UST: variants seen among roughly 807,000 people sequenced by gnomAD.
The protein encoded by UST is chondroitin sulfate 2-O-sulfotransferase.
In UST, 21 loss-of-function variants were observed where a neutral mutation model predicts 45.6. The ratio of observed to expected loss-of-function variants is 0.46; its 90% CI spans 0.33 to 0.66. UST has a LOEUF of 0.66. Among genes scored for constraint, UST ranks in the 30% least tolerant of loss-of-function variants. UST has a pLI of 0.02. For synonymous variants in UST, 215 were observed against 200.6 expected (o/e 1.07, Z -0.61); for missense variants, 463 against 512.4 (o/e 0.90, Z 0.93).
At chr6:149,057,203 G>A (rs377750020) in intron 7 of UST, among the ~76,000 whole-genome samples, 6 of 152,266 alleles carry the variant, frequency 3.9e-5, no homozygotes, top group East Asian at 1.9e-4. Flanking sequence ...AAAAGATTTC[G>A]TCTCCGTGAT....
intron 1 of UST, among the ~76,000 whole-genome samples, chr6:148,807,128 A>G (rs142015741): frequency 2.6e-3 from 392 of 152,330 alleles, no homozygotes; most frequent in African/African-American, 9.2e-3. Context: ...ATCCCCCAAA[A>G]GAGGGAGAGT....
intron 7 of UST, among the ~76,000 whole-genome samples, chr6:149,051,692 C>G (rs146380428): frequency 1.3e-5 from 2 of 152,356 alleles, no homozygotes; most frequent in Non-Finnish European, 2.9e-5. Context: ...CACTTTGTAT[C>G]TGACTGCATT....
chr6:149,002,920 C>T (rs991134883), intron 5 of UST, among the ~76,000 whole-genome samples: 1 of 152,186 alleles, frequency 6.6e-6, no homozygotes, highest in African/African-American at 2.4e-5. Flanking sequence ...ATATTATAAA[C>T]TACAAATAAA....
At chr6:149,058,863 G>A (rs192497844) in intron 7 of UST, among the ~76,000 whole-genome samples, 2 of 151,930 alleles carry the variant, frequency 1.3e-5, no homozygotes, top group African/African-American at 4.8e-5. Flanking sequence ...TATATAAGCC[G>A]GTATTTTAGT....
chr6:148,990,972 A>G (rs566358836), intron 5 of UST, among the ~76,000 whole-genome samples: 1 of 152,342 alleles, frequency 6.6e-6, no homozygotes, highest in African/African-American at 2.4e-5. Context: ...CTGGAACAGG[A>G]GTGAACAAGG....
intron 2 of UST, among the ~76,000 whole-genome samples, chr6:148,930,492 A>G (rs1424184137): frequency 6.6e-6 from 1 of 152,176 alleles, no homozygotes; most frequent in African/African-American, 2.4e-5. Flanking sequence ...AATGCTCAAT[A>G]ATTACTTGCT....
At position 149,074,220 on chromosome 6, in the gene UST, A is replaced by G. The variant is rs1776858402; in HGVS notation, c.*104A>G. 1.5e-6 allele frequency: 2 copies of G among 1,292,214 alleles called. No homozygotes were observed. Among genetic ancestry groups the G allele is most frequent in the East Asian group, 2.3e-5 (1 of 42,716 alleles). 80.0% of individuals were successfully genotyped at this position (1,292,214 alleles called of 1,614,324 possible). A position where few individuals can be genotyped will look rare whatever the true frequency, so the allele number is the denominator to read the frequency against. On this transcript the variant is annotated 3_prime_UTR_variant, in exon 8 of 8. Coordinates refer to ENST00000367463, the MANE Select transcript of UST (RefSeq NM_005715.3). Reference sequence around the variant, plus strand: ...CTAAATTAATGCTTGGGTGCATTAAAAAGAACAAAACATTCCCACATGTTG... The same window carrying G: ...CTAAATTAATGCTTGGGTGCATTAAGAAGAACAAAACATTCCCACATGTTG...
intron 5 of UST, among the ~76,000 whole-genome samples, chr6:149,010,486 A>G (rs1775787998): frequency 6.6e-6 from 1 of 152,204 alleles, no homozygotes; most frequent in Admixed American, 6.5e-5. Flanking sequence ...GGCATCTCAA[A>G]TGCTTAGTAA....
At chr6:149,015,080 T>C (rs1035604730) in intron 5 of UST, among the ~76,000 whole-genome samples, 2 of 152,070 alleles carry the variant, frequency 1.3e-5, no homozygotes, top group African/African-American at 4.8e-5. Context: ...TCTCTGGAAC[T>C]GGAGGCAGTG....
rs532161726 is a variant in UST, at chr6:148,775,333, G to A, written c.247+27656G>A. Among the ~76,000 whole-genome samples the A allele has an allele frequency of 5.3e-5, 8 of 152,300 alleles. No individual in the cohort carries two copies. The East Asian group carries it at 1.4e-3, about 26-fold the overall frequency. On this transcript the variant is annotated intron_variant, in intron 1 of 7. Transcript: ENST00000367463. ...CAGTGCAGTGTCGCCCAGCGTGAGA[G>A]GTTGTGTGGAGAAGGGGAAGTTAGG...
intron 1 of UST, among the ~76,000 whole-genome samples, chr6:148,848,060 C>T (rs887485060): frequency 6.6e-6 from 1 of 152,078 alleles, no homozygotes; most frequent in Admixed American, 6.5e-5. Flanking sequence ...AATGATTGGC[C>T]CTGACCAGAC....
intron 5 of UST, among the ~76,000 whole-genome samples, chr6:148,979,886 C>T (rs1413121225): frequency 2.6e-5 from 4 of 152,190 alleles, no homozygotes; most frequent in African/African-American, 7.2e-5. Flanking sequence ...CTGCTTCCCT[C>T]ATTAAATTTA....
chr6:148,801,207 C>A (rs1288894004), intron 1 of UST, among the ~76,000 whole-genome samples: 2 of 152,028 alleles, frequency 1.3e-5, no homozygotes, highest in Non-Finnish European at 2.9e-5. Flanking sequence ...GGGGATTTTT[C>A]CCCCAGAGGT....
At chr6:148,905,816 G>C (rs1779346075) in intron 2 of UST, among the ~76,000 whole-genome samples, 1 of 152,186 alleles carries the variant, frequency 6.6e-6, no homozygotes, top group African/African-American at 2.4e-5. Context: ...TCCTGTTAGA[G>C]ATCTTAGTGT....
At chr6:148,969,147 T>C (rs889304728) in intron 5 of UST, among the ~76,000 whole-genome samples, 5 of 152,164 alleles carry the variant, frequency 3.3e-5, no homozygotes, top group African/African-American at 1.2e-4. Context: ...ACATATGAAA[T>C]ACCAGCATGT....
chr6:148,870,561 A>G (rs1283316285), intron 1 of UST, among the ~76,000 whole-genome samples: 1 of 152,220 alleles, frequency 6.6e-6, no homozygotes, highest in South Asian at 2.1e-4. Flanking sequence ...CTGCAGGTGC[A>G]TGGTGCCCTG....
rs894664551 is a variant in UST, at chr6:148,858,747, G to A, written c.248-28239G>A. Among the ~76,000 whole-genome samples, 4 of 152,156 alleles carry A rather than the reference G, an allele frequency of 2.6e-5. No individual in the cohort carries two copies. The South Asian group carries it at 6.2e-4, about 24-fold the overall frequency. Reference sequence around the variant, plus strand: ...CCACCTATGAGTGAGAACATGTGGTGTTTGGTTTTCTGTCCTTGCAACAGT... The same window carrying A: ...CCACCTATGAGTGAGAACATGTGGTATTTGGTTTTCTGTCCTTGCAACAGT... On this transcript the variant is annotated intron_variant, in intron 1 of 7. Coordinates refer to ENST00000367463, the MANE Select transcript of UST (RefSeq NM_005715.3).
At chr6:149,053,772 A>G (rs1015705490) in intron 7 of UST, among the ~76,000 whole-genome samples, 4 of 152,248 alleles carry the variant, frequency 2.6e-5, no homozygotes, top group Admixed American at 2.0e-4. Context: ...TAAATACCTC[A>G]GGGAATGCAC....
chr6:148,883,151 G>C (rs986544863), intron 1 of UST, among the ~76,000 whole-genome samples: 3 of 152,226 alleles, frequency 2.0e-5, no homozygotes, highest in African/African-American at 7.2e-5. Flanking sequence ...TCATTGAATA[G>C]AAAAGAGATA....
Sources: gnomAD v4.1 joint callset for allele counts (sites outside exome capture counted in the v4.1 genomes callset) on GRCh38, gnomAD v4.1.1 for gene constraint, MANE v1.5 for transcripts, NCBI Gene and HGNC (gene_info 2026-07-23, HGNC 2026-07-21) for gene names.